The following NRG3 variants were observed in gnomAD, a reference collection of about 807,000 sequenced individuals.
NRG3 encodes pro-neuregulin-3, membrane-bound isoform.
Under a neutral mutation model 66.9 loss-of-function variants are expected in NRG3, and 31 were observed. The observed-to-expected ratio is 0.46, with a 90% CI of 0.35 to 0.63. The LOEUF is 0.63. Among genes scored for constraint, NRG3 ranks in the 20% least tolerant of loss-of-function variants. The pLI, the probability that NRG3 is intolerant of heterozygous loss-of-function variation, is 0.00. For synonymous variants in NRG3, 393 were observed against 359.4 expected (o/e 1.09, Z -1.06); for missense variants, 910 against 878.9 (o/e 1.04, Z -0.45).
In NRG3 at chr10:82,026,832, A is replaced by G. The variant is rs568181559; in HGVS notation, c.823+150669A>G. On this transcript the variant is annotated intron_variant, in intron 1 of 8. Transcript: ENST00000372141. ...ACTTTAAGGTTTATTACAGAAAACT[A>G]GAATAGATTTTTGCCTCTTCCTAGG... 2.0e-5 allele frequency among the ~76,000 whole-genome samples: 3 copies of G among 152,092 alleles called. No homozygotes were observed. The South Asian group carries it at 6.2e-4, about 32-fold the overall frequency.
intron 2 of NRG3, among the ~76,000 whole-genome samples, chr10:82,690,073 CATAGCAAGATTTTGCCT>C (rs2054806145): frequency 1.3e-5 from 2 of 152,338 alleles, no homozygotes; most frequent in African/African-American, 4.8e-5. Context: ...CATAACTCCA[CATAGCAAGATTTTGCCT>C]TGTCTGATGC....
In NRG3 at chr10:82,122,139, G is replaced by A. The variant is rs573544049; in HGVS notation, c.824-236600G>A. Among the ~76,000 whole-genome samples the A allele has an allele frequency of 3.3e-5, 5 of 152,250 alleles. No homozygotes were observed. The South Asian group carries it at 6.2e-4, about 19-fold the overall frequency. The stretch of plus-strand genomic sequence containing the variant: ...GTGAGGATTATATGAATTCACACAC[G>A]TATTTAGAATAGTGCCTCACATGGA... On this transcript the variant is annotated intron_variant, in intron 1 of 8. Transcript: ENST00000372141.
chr10:81,896,022 T>C (rs1245621116), intron 1 of NRG3, among the ~76,000 whole-genome samples: 1 of 152,164 alleles, frequency 6.6e-6, no homozygotes, highest in Admixed American at 6.5e-5. Context: ...TTATCTTAAA[T>C]GTTAAATATT....
At chr10:81,888,542 A>G (rs951509619) in intron 1 of NRG3, among the ~76,000 whole-genome samples, 33 of 152,218 alleles carry the variant, frequency 2.2e-4, no homozygotes, top group African/African-American at 8.0e-4. Context: ...AGGCCATTTC[A>G]GAAAGTAGTG....
intron 3 of NRG3, among the ~76,000 whole-genome samples, chr10:82,760,307 A>T (rs2059253371): frequency 6.6e-6 from 1 of 152,174 alleles, no homozygotes; most frequent in African/African-American, 2.4e-5. Context: ...GATGCTAGTG[A>T]TCTCACAGGA....
chr10:81,942,218 T>C (rs1307550918), intron 1 of NRG3, among the ~76,000 whole-genome samples: 1 of 152,136 alleles, frequency 6.6e-6, no homozygotes, highest in Non-Finnish European at 1.5e-5. Flanking sequence ...ATGTTTGTGC[T>C]GTTTCCTCCA....
At chr10:82,865,483 C>T in intron 4 of NRG3, 46 bp downstream of exon 4, 1 of 1,578,628 alleles carries the variant, frequency 6.3e-7, no homozygotes, top group Non-Finnish European at 8.7e-7. Context: ...AAATGCTAAG[C>T]TTTATGATGT....
chr10:82,538,259 G>A (rs918170899), intron 2 of NRG3, among the ~76,000 whole-genome samples: 1 of 152,136 alleles, frequency 6.6e-6, no homozygotes. Flanking sequence ...GCCAGAATTT[G>A]AATCTGTAGT....
At chr10:82,182,223 A>C (rs2073474772) in intron 1 of NRG3, among the ~76,000 whole-genome samples, 1 of 151,286 alleles carries the variant, frequency 6.6e-6, no homozygotes, top group Non-Finnish European at 1.5e-5. Context: ...CTGATTGAGG[A>C]GTTTAATGCA....
intron 3 of NRG3, among the ~76,000 whole-genome samples, chr10:82,831,830 G>A (rs1005299941): frequency 6.6e-6 from 1 of 152,022 alleles, no homozygotes; most frequent in African/African-American, 2.4e-5. Flanking sequence ...ATTTGCTCTA[G>A]GGCATGCAGA....
intron 3 of NRG3, among the ~76,000 whole-genome samples, chr10:82,785,698 T>C (rs773108451): frequency 1.2e-4 from 19 of 152,158 alleles, no homozygotes; most frequent in Non-Finnish European, 2.4e-4. Flanking sequence ...CAGAGCTACG[T>C]GACTTCTTTT....
At chr10:82,083,823 G>A (rs912421260) in intron 1 of NRG3, among the ~76,000 whole-genome samples, 11 of 151,014 alleles carry the variant, frequency 7.3e-5, no homozygotes, top group Non-Finnish European at 1.3e-4. Context: ...CGCTGTGTTG[G>A]TCAGGCTGGT....
At chr10:82,808,212 C>T (rs12414059) in intron 3 of NRG3, among the ~76,000 whole-genome samples, 15,884 of 147,608 alleles carry the variant, frequency 0.11, 997 homozygotes, top group South Asian at 0.23. Context: ...AAAAAAAAAG[C>T]ACAGTAGTCA....
chr10:82,545,893 T>G (rs1196577143), intron 2 of NRG3, among the ~76,000 whole-genome samples: 1 of 147,646 alleles, frequency 6.8e-6, no homozygotes, highest in Non-Finnish European at 1.5e-5. Flanking sequence ...GTTCACGCCA[T>G]TCTCCTGCCT....
intron 1 of NRG3, among the ~76,000 whole-genome samples, chr10:82,039,173 CA>C (rs2062920903): frequency 6.6e-6 from 1 of 152,048 alleles, no homozygotes; most frequent in South Asian, 2.1e-4. Flanking sequence ...AACCAAGTTC[CA>C]ATGCGAAGCA....
chr10:82,168,508 C>T (rs961427408), intron 1 of NRG3, among the ~76,000 whole-genome samples: 5 of 152,104 alleles, frequency 3.3e-5, no homozygotes, highest in Non-Finnish European at 5.9e-5. Context: ...TACATAATCT[C>T]GAGTTTTGAG....
chr10:82,562,085 T>A (rs1280614881), intron 2 of NRG3, among the ~76,000 whole-genome samples: 5 of 152,238 alleles, frequency 3.3e-5, no homozygotes, highest in Admixed American at 6.5e-5. Flanking sequence ...AGGTTCCATA[T>A]CAATAAAAAT....
At chr10:82,663,541 C>G (rs1316932177) in intron 2 of NRG3, among the ~76,000 whole-genome samples, 1 of 152,070 alleles carries the variant, frequency 6.6e-6, no homozygotes, top group Non-Finnish European at 1.5e-5. Context: ...ATCACCAAGC[C>G]TTAGCATCAA....
At chr10:82,163,244 G>C (rs975990516) in intron 1 of NRG3, among the ~76,000 whole-genome samples, 2 of 151,986 alleles carry the variant, frequency 1.3e-5, no homozygotes, top group African/African-American at 4.8e-5. Flanking sequence ...ATTTCAAAAA[G>C]TGCCCACAAC....
Sources: gnomAD v4.1 joint callset for allele counts (sites outside exome capture counted in the v4.1 genomes callset) on GRCh38, gnomAD v4.1.1 for gene constraint, MANE v1.5 for transcripts, NCBI Gene and HGNC (gene_info 2026-07-23, HGNC 2026-07-21) for gene names.